The following NRXN3 variants were observed in gnomAD, a reference collection of about 807,000 sequenced individuals.
NRXN3 encodes neurexin 3.
A neutral mutation model predicts 137.6 loss-of-function variants in NRXN3; 32 were observed. The observed-to-expected ratio is 0.23, with a 90% CI of 0.18 to 0.31. NRXN3 has a LOEUF of 0.31. NRXN3 is among the 10% of genes least tolerant of loss of function. NRXN3 has a pLI of 1.00. For missense variants in NRXN3, 1,574 were observed against 2,062.5 expected (o/e 0.76, Z 4.59); for synonymous variants, 798 against 784.5 (o/e 1.02, Z -0.29).
chr14:79,060,943 A>G (rs894753398), intron 15 of NRXN3, among the ~76,000 whole-genome samples: 4 of 152,088 alleles, frequency 2.6e-5, no homozygotes, highest in Non-Finnish European at 4.4e-5. Flanking sequence ...ATCACTGATT[A>G]TATCAAATAC....
At chr14:78,376,830 C>T (rs764076844) in intron 4 of NRXN3, among the ~76,000 whole-genome samples, 1 of 152,114 alleles carries the variant, frequency 6.6e-6, no homozygotes, top group Non-Finnish European at 1.5e-5. Flanking sequence ...TTTCATTTCA[C>T]TGCAACTGGT....
At chr14:78,396,502 T>C (rs1002892516) in intron 4 of NRXN3, among the ~76,000 whole-genome samples, 5 of 152,346 alleles carry the variant, frequency 3.3e-5, no homozygotes, top group African/African-American at 1.2e-4. Flanking sequence ...TAGCCATTAT[T>C]TGAAGGTAGG....
At chr14:79,000,734 G>T (rs993682824) in intron 15 of NRXN3, among the ~76,000 whole-genome samples, 1 of 152,074 alleles carries the variant, frequency 6.6e-6, no homozygotes, top group Non-Finnish European at 1.5e-5. Flanking sequence ...TTAGAAAAGG[G>T]CCTGCAGCTC....
At chr14:78,978,073 A>G (rs927503086) in intron 14 of NRXN3, among the ~76,000 whole-genome samples, 3 of 152,172 alleles carry the variant, frequency 2.0e-5, no homozygotes, top group Non-Finnish European at 2.9e-5. Flanking sequence ...TTGAAGAGAA[A>G]AGGGTGTTAG....
chr14:78,336,824 G>A (rs2153577196), intron 4 of NRXN3, among the ~76,000 whole-genome samples: 1 of 152,204 alleles, frequency 6.6e-6, no homozygotes, highest in African/African-American at 2.4e-5. Context: ...AAGATGGCTA[G>A]GGGACAGCAT....
intron 2 of NRXN3, among the ~76,000 whole-genome samples, chr14:78,254,498 G>A (rs557625963): frequency 4.6e-5 from 7 of 152,206 alleles, no homozygotes; most frequent in African/African-American, 1.7e-4. Flanking sequence ...GGCCAACATG[G>A]TGAAACCCCA....
intron 16 of NRXN3, among the ~76,000 whole-genome samples, chr14:79,613,345 G>A (rs1471777240): frequency 6.6e-6 from 1 of 152,178 alleles, no homozygotes; most frequent in Non-Finnish European, 1.5e-5. Flanking sequence ...ATTTTTAATT[G>A]GTATGTGTGT....
chr14:78,998,314 A>G (rs1441559330), intron 15 of NRXN3, among the ~76,000 whole-genome samples: 1 of 152,172 alleles, frequency 6.6e-6, no homozygotes, highest in Non-Finnish European at 1.5e-5. Context: ...AGAAGACATA[A>G]CATGTAATGG....
At chr14:79,587,451 C>A (rs1051352799) in intron 16 of NRXN3, among the ~76,000 whole-genome samples, 4 of 152,188 alleles carry the variant, frequency 2.6e-5, no homozygotes, top group African/African-American at 9.7e-5. Context: ...GCTGTCAACA[C>A]CTCTCTTAAT....
At chr14:78,274,333 A>C (rs2073253147) in intron 2 of NRXN3, among the ~76,000 whole-genome samples, 1 of 152,210 alleles carries the variant, frequency 6.6e-6, no homozygotes. Context: ...AGGGGAAGCA[A>C]ACATGTCCTT....
At chr14:79,016,531 C>T (rs1044836750) in intron 15 of NRXN3, among the ~76,000 whole-genome samples, 6 of 152,130 alleles carry the variant, frequency 3.9e-5, no homozygotes, top group South Asian at 2.1e-4. Flanking sequence ...ACGGTGGTAA[C>T]GATAGACATG....
intron 2 of NRXN3, among the ~76,000 whole-genome samples, chr14:78,258,591 G>T (rs1343989276): frequency 6.6e-6 from 1 of 152,122 alleles, no homozygotes; most frequent in Non-Finnish European, 1.5e-5. Flanking sequence ...AGGATCGTGG[G>T]GGAAAGGAAT....
intron 15 of NRXN3, among the ~76,000 whole-genome samples, chr14:78,994,619 T>A (rs1242508908): frequency 6.6e-6 from 1 of 152,220 alleles, no homozygotes; most frequent in Admixed American, 6.5e-5. Context: ...GTATAACTTA[T>A]TAAATGATAA....
chr14:78,309,290 ATGT>A (rs1295261865), intron 4 of NRXN3, among the ~76,000 whole-genome samples: 2 of 143,346 alleles, frequency 1.4e-5, no homozygotes, highest in Non-Finnish European at 3.1e-5. Flanking sequence ...AACGCTAATA[ATGT>A]TTTTTTTTTT....
chr14:78,415,266 AG>A (rs1394325501), intron 4 of NRXN3, among the ~76,000 whole-genome samples: 1 of 152,242 alleles, frequency 6.6e-6, no homozygotes, highest in African/African-American at 2.4e-5. Flanking sequence ...TCATGTAAAA[AG>A]CACTTAGTCT....
chr14:79,096,193 T>C (rs1714670354), intron 15 of NRXN3, among the ~76,000 whole-genome samples: 1 of 151,740 alleles, frequency 6.6e-6, no homozygotes, highest in Non-Finnish European at 1.5e-5. Context: ...CTGCAACCTC[T>C]GCCTCCCGGG....
chr14:79,647,957 C>T (rs2098459592), intron 16 of NRXN3, among the ~76,000 whole-genome samples: 1 of 134,434 alleles, frequency 7.4e-6, no homozygotes, highest in Non-Finnish European at 1.7e-5. Context: ...TAAGGCCAGG[C>T]CTGTCTACTC....
intron 4 of NRXN3, among the ~76,000 whole-genome samples, chr14:78,595,878 G>A (rs757283075): frequency 1.3e-5 from 2 of 152,152 alleles, no homozygotes; most frequent in Non-Finnish European, 2.9e-5. Context: ...TATTGAGACA[G>A]GCTACATATC....
At chr14:79,211,072 T>C (rs2067587396) in intron 15 of NRXN3, among the ~76,000 whole-genome samples, 1 of 152,180 alleles carries the variant, frequency 6.6e-6, no homozygotes, top group South Asian at 2.1e-4. Flanking sequence ...TGGACAAGTA[T>C]GTTAATTTCT....
Sources: gnomAD v4.1 joint callset for allele counts (sites outside exome capture counted in the v4.1 genomes callset) on GRCh38, gnomAD v4.1.1 for gene constraint, MANE v1.5 for transcripts, NCBI Gene and HGNC (gene_info 2026-07-23, HGNC 2026-07-21) for gene names.